PPM1H: variants seen among roughly 807,000 people sequenced by gnomAD.
PPM1H encodes the protein protein phosphatase 1H.
PPM1H carries 27 observed loss-of-function variants against 54.9 expected under a neutral mutation model. The ratio of observed to expected loss-of-function variants is 0.49; its 90% CI spans 0.36 to 0.68. PPM1H has a LOEUF of 0.68. Among genes scored for constraint, PPM1H ranks in the 30% least tolerant of loss-of-function variants. The pLI, the probability that PPM1H is intolerant of heterozygous loss-of-function variation, is 0.00. For missense variants in PPM1H, 596 were observed against 667.8 expected (o/e 0.89, Z 1.19); for synonymous variants, 305 against 270.8 (o/e 1.13, Z -1.24).
chr12:62,934,379 G>A lies in PPM1H; in HGVS notation c.245+113C>T. On this transcript the variant is annotated intron_variant, in intron 1 of 9. Coordinates refer to ENST00000228705, the MANE Select transcript of PPM1H (RefSeq NM_020700.2). The surrounding 1 kb of genome is among the most constrained non-coding windows in gnomAD (Gnocchi z 4.2). The stretch of plus-strand genomic sequence containing the variant: ...AAGAGCTCCCCGCCGAGGCCTGGAC[G>A]CCGGCAGCTAGTGAGAGCCCTGAGG... 3.0e-6 allele frequency: 4 copies of A among 1,340,242 alleles called. No individual in the cohort carries two copies. The highest frequency in any genetic ancestry group is 3.9e-6 in the Non-Finnish European group (4 of 1,028,688). The allele number at this position is 1,340,242 out of a possible 1,614,324, so 83.0% of individuals were successfully genotyped here.
At chr12:62,906,863 C>T (rs771706783) in intron 1 of PPM1H, among the ~76,000 whole-genome samples, 3 of 152,146 alleles carry the variant, frequency 2.0e-5, no homozygotes, top group Non-Finnish European at 2.9e-5. Context: ...ACATGTATAG[C>T]GTAACAACAC....
At position 62,753,721 on chromosome 12, in the gene PPM1H, G is replaced by C. The variant is rs1410008738; in HGVS notation, c.870-16135C>G. On this transcript the variant is annotated intron_variant, in intron 4 of 9. Transcript: ENST00000228705. ...GGCAGAGATAAAGAGGCTGAGACTG[G>C]TGGGGGCTTGCCTGGGAGAATGCCA... Among the ~76,000 whole-genome samples, 3 of 152,196 alleles carry C rather than the reference G, an allele frequency of 2.0e-5. No individual in the cohort carries two copies. In the East Asian group the frequency reaches 5.8e-4, roughly 29 times the overall value.
intron 9 of PPM1H, among the ~76,000 whole-genome samples, chr12:62,663,247 C>T (rs1221958053): frequency 6.6e-6 from 1 of 151,984 alleles, no homozygotes; most frequent in Non-Finnish European, 1.5e-5. Context: ...ATCAGAATCA[C>T]CTGCATGGTT....
At chr12:62,855,654 T>G (rs1413905429) in intron 1 of PPM1H, among the ~76,000 whole-genome samples, 1 of 152,176 alleles carries the variant, frequency 6.6e-6, no homozygotes, top group Non-Finnish European at 1.5e-5. Context: ...AGTAGAAAGT[T>G]CAAGACTTTT....
chr12:62,744,774 C>T (rs2076401239), intron 4 of PPM1H, among the ~76,000 whole-genome samples: 1 of 152,168 alleles, frequency 6.6e-6, no homozygotes. Flanking sequence ...GCCAGGACAG[C>T]TGCAGCCCAG....
intron 5 of PPM1H, among the ~76,000 whole-genome samples, chr12:62,726,533 G>A (rs1375746117): frequency 2.0e-5 from 3 of 152,104 alleles, no homozygotes; most frequent in South Asian, 2.1e-4. Context: ...TGAGAAGAGC[G>A]TTACTGCTTC....
chr12:62,881,772 T>C (rs904875058), intron 1 of PPM1H, among the ~76,000 whole-genome samples: 1 of 152,162 alleles, frequency 6.6e-6, no homozygotes, highest in African/African-American at 2.4e-5. Flanking sequence ...ATCCCTCCTC[T>C]CCAGAAACAG....
chr12:62,721,914 G>A (rs2076266153), intron 5 of PPM1H, among the ~76,000 whole-genome samples: 1 of 152,114 alleles, frequency 6.6e-6, no homozygotes, highest in Non-Finnish European at 1.5e-5. Context: ...TGCTTTGAGA[G>A]TTCTAATTTC....
chr12:62,846,499 C>CAAA (rs34661143), intron 1 of PPM1H, among the ~76,000 whole-genome samples: 4 of 138,320 alleles, frequency 2.9e-5, no homozygotes, highest in African/African-American at 1.1e-4. Context: ...GATTCCGCCT[C>CAAA]AAAAAAAAAA....
chr12:62,700,719 A>G (rs559152283), intron 6 of PPM1H, among the ~76,000 whole-genome samples: 1 of 152,262 alleles, frequency 6.6e-6, no homozygotes, highest in East Asian at 1.9e-4. Context: ...TGGCAGTGAG[A>G]GTGTTGAAAA....
intron 8 of PPM1H, among the ~76,000 whole-genome samples, chr12:62,675,951 A>G (rs1047554171): frequency 6.6e-6 from 1 of 152,260 alleles, no homozygotes; most frequent in African/African-American, 2.4e-5. Flanking sequence ...CAAGAAGCCC[A>G]GAACATAGCT....
At chr12:62,780,299 T>C (rs1041413964) in intron 4 of PPM1H, among the ~76,000 whole-genome samples, 25 of 152,200 alleles carry the variant, frequency 1.6e-4, no homozygotes, top group African/African-American at 5.8e-4. Context: ...CCTATCCTGC[T>C]AGTTTTCTTT....
intron 1 of PPM1H, among the ~76,000 whole-genome samples, chr12:62,884,241 A>G: frequency 6.6e-6 from 1 of 152,010 alleles, no homozygotes. Flanking sequence ...TAATCCCAGC[A>G]CTTGAGAGGC....
chr12:62,846,504 A>AG (rs1417622672), intron 1 of PPM1H, among the ~76,000 whole-genome samples: 1 of 151,296 alleles, frequency 6.6e-6, no homozygotes, highest in East Asian at 2.0e-4. Context: ...CGCCTCAAAA[A>AG]AAAAAAAATT....
At chr12:62,695,352 A>G (rs1442098026) in intron 6 of PPM1H, among the ~76,000 whole-genome samples, 1 of 152,118 alleles carries the variant, frequency 6.6e-6, no homozygotes, top group African/African-American at 2.4e-5. Context: ...CTCATTAATC[A>G]ATTAGGGCAA....
At chr12:62,882,356 T>A (rs1430791485) in intron 1 of PPM1H, among the ~76,000 whole-genome samples, 1 of 152,224 alleles carries the variant, frequency 6.6e-6, no homozygotes, top group African/African-American at 2.4e-5. Flanking sequence ...GTATAACAGG[T>A]GCTAGAGCTG....
intron 5 of PPM1H, among the ~76,000 whole-genome samples, chr12:62,721,682 G>C (rs1221382904): frequency 2.0e-5 from 3 of 152,176 alleles, no homozygotes; most frequent in Non-Finnish European, 4.4e-5. Flanking sequence ...AGAAGAATTT[G>C]GGTGTGAATC....
chr12:62,917,244 A>T (rs1387454698), intron 1 of PPM1H, among the ~76,000 whole-genome samples: 1 of 152,256 alleles, frequency 6.6e-6, no homozygotes, highest in Non-Finnish European at 1.5e-5. Context: ...TTTAACGGCC[A>T]AAGTGGGAGA....
chr12:62,838,658 AC>A (rs1868591328), intron 1 of PPM1H, among the ~76,000 whole-genome samples: 1 of 102,608 alleles, frequency 9.7e-6, no homozygotes, highest in African/African-American at 5.0e-5. Flanking sequence ...GCGGTGGCTC[AC>A]GCCTGTAATC....
Sources: gnomAD v4.1 joint callset for allele counts (sites outside exome capture counted in the v4.1 genomes callset) on GRCh38, gnomAD v4.1.1 for gene constraint, Gnocchi (gnomAD v3.1) non-coding constraint, MANE v1.5 for transcripts, NCBI Gene and HGNC (gene_info 2026-07-23, HGNC 2026-07-21) for gene names.